The following FKTN variants were observed in gnomAD, a reference collection of about 807,000 sequenced individuals.
FKTN encodes the protein ribitol-5-phosphate transferase FKTN.
FKTN carries 47 observed loss-of-function variants against 58.6 expected under a neutral mutation model. The observed-to-expected ratio is 0.80, with a 90% CI of 0.63 to 1.02. The LOEUF (loss-of-function observed/expected upper bound fraction) is 1.02. Among genes scored for constraint, FKTN ranks in the 50% least tolerant of loss-of-function variants. The pLI is 0.00. For synonymous variants in FKTN, 178 were observed against 191.9 expected (o/e 0.93, Z 0.60); for missense variants, 516 against 537.3 (o/e 0.96, Z 0.39).
Position 105,617,951 on chromosome 9 carries a change from C to A in FKTN, c.911-8C>A, listed in dbSNP as rs749557617. 8.4e-5 allele frequency: 130 copies of A among 1,552,386 alleles called. 1 individual carries two copies. Among genetic ancestry groups the A allele is most frequent in the Non-Finnish European group, 1.1e-4 (124 of 1,133,340 alleles). On this transcript the variant is annotated splice_region_variant and splice_polypyrimidine_tract_variant and intron_variant, in intron 8 of 10. Coordinates refer to ENST00000357998, the MANE Select transcript of FKTN (RefSeq NM_001079802.2). Reference sequence around the variant, plus strand: ...AATTTTGTTAAAAAAATTTAATCTTCTTTTTAGGATGGTATCGACAATGCA... The same window carrying A: ...AATTTTGTTAAAAAAATTTAATCTTATTTTTAGGATGGTATCGACAATGCA...
rs1482222509 is a variant in FKTN at position 105,638,243 on chromosome 9, G to A, written c.*2979G>A. 1 of 985,234 alleles carries A rather than the reference G, an allele frequency of 1.0e-6. No individual in the cohort carries two copies. Among genetic ancestry groups the A allele is most frequent in the Non-Finnish European group, 1.2e-6 (1 of 829,910 alleles). The allele number at this position is 985,234 out of a possible 1,614,324, so 61.0% of individuals were successfully genotyped here. On this transcript the variant is annotated 3_prime_UTR_variant, in exon 11 of 11. Transcript: ENST00000357998. The stretch of plus-strand genomic sequence containing the variant: ...AGTGCTTGAGATGCTTAACAGAGAA[G>A]GCATCCAGTGCTTCATTGAGGCTAA...
intron 1 of FKTN, among the ~76,000 whole-genome samples, chr9:105,562,030 TTACAC>T (rs1248365682): frequency 1.3e-5 from 2 of 151,984 alleles, no homozygotes; most frequent in African/African-American, 4.8e-5. Flanking sequence ...CTTTTCCTAA[TTACAC>T]TACTCTCTTT....
intron 3 of FKTN, among the ~76,000 whole-genome samples, chr9:105,592,184 CT>C (rs1283691118): frequency 2.0e-5 from 3 of 152,228 alleles, no homozygotes; most frequent in Non-Finnish European, 1.5e-5. Context: ...TGAAAATAGA[CT>C]TTTCTTTTCT....
At chr9:105,567,723 A>T (rs1319151292) in intron 1 of FKTN, among the ~76,000 whole-genome samples, 1 of 152,250 alleles carries the variant, frequency 6.6e-6, no homozygotes, top group Non-Finnish European at 1.5e-5. Context: ...TGCCCAAGGT[A>T]ATTTATAGAT....
chr9:105,635,759 A>G lies in FKTN; in HGVS notation c.*495A>G, dbSNP rs1833985923. The G allele has an allele frequency of 1.0e-6, 1 of 1,004,912 alleles. No individual in the cohort carries two copies. The highest frequency in any genetic ancestry group is 1.2e-6 in the Non-Finnish European group (1 of 840,456). The allele number at this position is 1,004,912 out of a possible 1,614,324, so 62.2% of individuals were successfully genotyped here. On this transcript the variant is annotated 3_prime_UTR_variant, in exon 11 of 11. Coordinates refer to ENST00000357998, the MANE Select transcript of FKTN (RefSeq NM_001079802.2). Reference sequence around the variant, plus strand: ...TCTGAGTTAATATTCAAGTGATCAGACTTTGAGTGACATCAAGAAAAGATG... The same window carrying G: ...TCTGAGTTAATATTCAAGTGATCAGGCTTTGAGTGACATCAAGAAAAGATG...
chr9:105,631,713 A>G (rs535277660), intron 10 of FKTN, among the ~76,000 whole-genome samples: 4 of 149,842 alleles, frequency 2.7e-5, no homozygotes, highest in East Asian at 2.0e-4. Flanking sequence ...CAAAACCACA[A>G]TGAGATACCA....
intron 1 of FKTN, among the ~76,000 whole-genome samples, chr9:105,567,546 T>C (rs1278702108): frequency 6.6e-6 from 1 of 152,160 alleles, no homozygotes; most frequent in Non-Finnish European, 1.5e-5. Context: ...TCACAATTGC[T>C]TCAAAGAGAA....
At chr9:105,632,603 T>C (rs1250642638) in intron 10 of FKTN, among the ~76,000 whole-genome samples, 2 of 152,080 alleles carry the variant, frequency 1.3e-5, no homozygotes, top group Non-Finnish European at 2.9e-5. Flanking sequence ...CTTAAACTGA[T>C]TGTAATTAAA....
intron 5 of FKTN, chr9:105,603,671 T>C (rs973681427): frequency 6.6e-6 from 1 of 151,976 alleles, no homozygotes; most frequent in Admixed American, 6.5e-5. Context: ...TTTCATAGAG[T>C]TTTTTTTGTT....
chr9:105,596,519 G>T (rs72746063), intron 3 of FKTN, 79 bp from the exon 4 acceptor site: 27 of 878,196 alleles, frequency 3.1e-5, no homozygotes, highest in Non-Finnish European at 5.3e-5. Context: ...ATTATATTTT[G>T]AATCTCATGC....
chr9:105,578,074 G>A (rs1421527737), intron 3 of FKTN, among the ~76,000 whole-genome samples: 2 of 151,982 alleles, frequency 1.3e-5, no homozygotes, highest in East Asian at 3.8e-4. Context: ...TTTAGGCTGA[G>A]ACAATGGGGT....
intron 10 of FKTN, among the ~76,000 whole-genome samples, chr9:105,627,682 GT>G (rs1400552203): frequency 6.6e-6 from 1 of 151,988 alleles, no homozygotes; most frequent in Non-Finnish European, 1.5e-5. Context: ...GTTGCTGTCT[GT>G]TTGAACTAGC....
chr9:105,594,004 T>A (rs543606955), intron 3 of FKTN, among the ~76,000 whole-genome samples: 28 of 152,112 alleles, frequency 1.8e-4, no homozygotes, highest in African/African-American at 6.3e-4. Context: ...AGTTGAGAAG[T>A]TTTTGTGTTT....
chr9:105,620,504 A>G (rs181601999), intron 10 of FKTN, among the ~76,000 whole-genome samples: 204 of 152,256 alleles, frequency 1.3e-3, no homozygotes, highest in African/African-American at 4.7e-3. Context: ...TAACCCATCT[A>G]GTCCTCAAAA....
chr9:105,578,339 G>A lies in FKTN; in HGVS notation c.105+3202G>A, dbSNP rs530838093. Among the ~76,000 whole-genome samples the A allele has an allele frequency of 1.9e-4, 28 of 146,714 alleles. No individual in the cohort carries two copies. In the East Asian group the frequency reaches 2.0e-3, roughly 10 times the overall value. On this transcript the variant is annotated intron_variant, in intron 3 of 10. Transcript: ENST00000357998. ...GATAGCTCTTATCATTTTGAAATACGTCCCATCAATACCTAATTTATTGAG... is the reference window on the plus strand; with the variant it reads ...GATAGCTCTTATCATTTTGAAATACATCCCATCAATACCTAATTTATTGAG...
intron 1 of FKTN, among the ~76,000 whole-genome samples, chr9:105,572,626 T>G (rs1329161831): frequency 1.3e-5 from 2 of 152,110 alleles, no homozygotes; most frequent in African/African-American, 2.4e-5. Context: ...CAACATGAAC[T>G]AGCAAGAAAG....
intron 4 of FKTN, among the ~76,000 whole-genome samples, chr9:105,600,524 C>G (rs971335135): frequency 6.6e-6 from 1 of 151,868 alleles, no homozygotes; most frequent in Non-Finnish European, 1.5e-5. Context: ...AGTAGGGGAC[C>G]CTACTTACTA....
intron 3 of FKTN, among the ~76,000 whole-genome samples, chr9:105,588,171 T>G (rs1171479907): frequency 6.6e-6 from 1 of 152,246 alleles, no homozygotes; most frequent in East Asian, 1.9e-4. Context: ...TTCTTAAATC[T>G]TCACCTCCTA....
rs547622954 is a variant in FKTN, at chr9:105,588,617, A to G, written c.106-7981A>G. ...TACATGTTACCTCTTTTTTCAAAGC[A>G]CACTTCATAACTTTTCTGTTCTCTA... On this transcript the variant is annotated intron_variant, in intron 3 of 10. Transcript: ENST00000357998. Among the ~76,000 whole-genome samples the G allele has an allele frequency of 3.3e-5, 5 of 152,316 alleles. No homozygotes were observed. The South Asian group carries it at 1.0e-3, about 32-fold the overall frequency.
Sources: gnomAD v4.1 joint callset for allele counts (sites outside exome capture counted in the v4.1 genomes callset) on GRCh38, gnomAD v4.1.1 for gene constraint, MANE v1.5 for transcripts, NCBI Gene and HGNC (gene_info 2026-07-23, HGNC 2026-07-21) for gene names.